The following CLYBL variants were observed in gnomAD, a reference collection of about 807,000 sequenced individuals.
The protein encoded by CLYBL is citramalyl-CoA lyase, also known as citramalyl-CoA lyase, mitochondrial.
In CLYBL, 31 loss-of-function variants were observed where a neutral mutation model predicts 38.9. That is an observed-to-expected ratio of 0.80 (90% CI 0.60 to 1.08). The LOEUF (loss-of-function observed/expected upper bound fraction) is 1.08, where lower values mean the gene tolerates loss of function less well. Ranked by LOEUF, CLYBL falls within the 50% of genes least tolerant of loss-of-function variation. CLYBL has a pLI of 0.00. For synonymous variants in CLYBL, 171 were observed against 158.6 expected (o/e 1.08, Z -0.59); for missense variants, 434 against 411.6 (o/e 1.05, Z -0.47).
At chr13:99,852,603 C>A (rs1235171593) in intron 2 of CLYBL, among the ~76,000 whole-genome samples, 1 of 152,118 alleles carries the variant, frequency 6.6e-6, no homozygotes, top group African/African-American at 2.4e-5. Context: ...CAGTCATTAA[C>A]TAGAATAGTT....
At chr13:99,694,475 C>T (rs138021428) in intron 1 of CLYBL, among the ~76,000 whole-genome samples, 1 of 152,308 alleles carries the variant, frequency 6.6e-6, no homozygotes, top group African/African-American at 2.4e-5. Flanking sequence ...GCATGTCATT[C>T]ACCAGCCTGG....
chr13:99,650,428 A>AG (rs1491392598), intron 1 of CLYBL, among the ~76,000 whole-genome samples: 3 of 152,194 alleles, frequency 2.0e-5, no homozygotes, highest in African/African-American at 7.2e-5. Context: ...TCTCAAAAAA[A>AG]GAAGTTTTCA....
intron 2 of CLYBL, among the ~76,000 whole-genome samples, chr13:99,802,518 A>G (rs1247961958): frequency 6.6e-6 from 1 of 151,838 alleles, no homozygotes; most frequent in Non-Finnish European, 1.5e-5. Context: ...GAAAGGGGGG[A>G]GCTATAATGC....
intron 1 of CLYBL, among the ~76,000 whole-genome samples, chr13:99,770,774 T>G (rs1411582290): frequency 1.3e-5 from 2 of 151,912 alleles, no homozygotes; most frequent in Non-Finnish European, 2.9e-5. Context: ...CAGGCTGGAG[T>G]GCAGTGGTGC....
At chr13:99,711,403 C>CTT (rs71215540) in intron 1 of CLYBL, among the ~76,000 whole-genome samples, 1,345 of 83,122 alleles carry the variant, frequency 0.016, 34 homozygotes, top group Non-Finnish European at 0.022. Context: ...GGGAGTCCGT[C>CTT]TTTTTTTTTT....
intron 2 of CLYBL, among the ~76,000 whole-genome samples, chr13:99,791,013 A>C (rs183884058): frequency 4.6e-5 from 7 of 152,182 alleles, no homozygotes; most frequent in African/African-American, 1.7e-4. Flanking sequence ...GTAGAGATCT[A>C]TTTGGAGTCT....
intron 1 of CLYBL, among the ~76,000 whole-genome samples, chr13:99,722,567 G>GAATGAATGAGTGAATT (rs1265054492): frequency 1.3e-5 from 2 of 152,134 alleles, no homozygotes; most frequent in Non-Finnish European, 2.9e-5. Context: ...GATGCTGGAT[G>GAATGAATGAGTGAATT]AATGAATGAG....
At chr13:99,648,719 A>G (rs1335330427) in intron 1 of CLYBL, among the ~76,000 whole-genome samples, 1 of 152,154 alleles carries the variant, frequency 6.6e-6, no homozygotes, top group Non-Finnish European at 1.5e-5. Flanking sequence ...AATTAATTCA[A>G]TAAGAAAATG....
chr13:99,737,458 A>G (rs1453569683), intron 1 of CLYBL, among the ~76,000 whole-genome samples: 1 of 152,218 alleles, frequency 6.6e-6, no homozygotes, highest in African/African-American at 2.4e-5. Context: ...AGGTTAAGTA[A>G]CATGCTTAGG....
intron 2 of CLYBL, among the ~76,000 whole-genome samples, chr13:99,798,604 A>T (rs1029542989): frequency 1.3e-5 from 2 of 152,228 alleles, no homozygotes; most frequent in African/African-American, 2.4e-5. Flanking sequence ...ACATGTAAAC[A>T]TCCATTAATC....
At chr13:99,702,876 C>G (rs2139463964) in intron 1 of CLYBL, among the ~76,000 whole-genome samples, 1 of 152,322 alleles carries the variant, frequency 6.6e-6, no homozygotes, top group African/African-American at 2.4e-5. Context: ...ACATAAGAAG[C>G]TGACAACATC....
chr13:99,882,964 G>A (rs867641316), intron 7 of CLYBL, among the ~76,000 whole-genome samples: 6 of 151,962 alleles, frequency 3.9e-5, no homozygotes, highest in East Asian at 2.0e-4. Flanking sequence ...GGGCTGGGCC[G>A]GGCCAGGCCA....
chr13:99,674,696 C>T (rs962984928), intron 1 of CLYBL, among the ~76,000 whole-genome samples: 12 of 151,844 alleles, frequency 7.9e-5, no homozygotes, highest in African/African-American at 1.9e-4. Flanking sequence ...TTAAGGGATG[C>T]GTAAGAAGAA....
chr13:99,813,581 C>T (rs182158060), intron 2 of CLYBL, among the ~76,000 whole-genome samples: 1 of 152,302 alleles, frequency 6.6e-6, no homozygotes, highest in Admixed American at 6.5e-5. Flanking sequence ...CACTAACTTA[C>T]TGACTAACCA....
At chr13:99,892,150 C>G (rs988781328) in intron 8 of CLYBL, 2 of 152,176 alleles carry the variant, frequency 1.3e-5, no homozygotes, top group African/African-American at 4.8e-5. Context: ...CCTTTATTTT[C>G]CCGTTTAACT....
chr13:99,855,817 TG>T (rs901421799), intron 2 of CLYBL, among the ~76,000 whole-genome samples: 2 of 151,946 alleles, frequency 1.3e-5, no homozygotes, highest in African/African-American at 4.8e-5. Flanking sequence ...GCTCGCTGGT[TG>T]GGGTAAATTC....
chr13:99,751,553 C>T (rs983306348), intron 1 of CLYBL, among the ~76,000 whole-genome samples: 2 of 152,134 alleles, frequency 1.3e-5, no homozygotes, highest in African/African-American at 2.4e-5. Context: ...GTGAAATAAA[C>T]CAGTCACAAA....
chr13:99,817,512 G>A (rs555501236), intron 2 of CLYBL, among the ~76,000 whole-genome samples: 3 of 151,992 alleles, frequency 2.0e-5, no homozygotes, highest in East Asian at 3.9e-4. Flanking sequence ...AAACTTAGCC[G>A]GGCGTGGTGG....
At chr13:99,804,177 G>C (rs542680322) in intron 2 of CLYBL, among the ~76,000 whole-genome samples, 18 of 152,330 alleles carry the variant, frequency 1.2e-4, no homozygotes, top group Non-Finnish European at 2.4e-4. Flanking sequence ...CAAAGGCAGA[G>C]AGCGAGCACC....
Sources: gnomAD v4.1 joint callset for allele counts (sites outside exome capture counted in the v4.1 genomes callset) on GRCh38, gnomAD v4.1.1 for gene constraint, MANE v1.5 for transcripts, NCBI Gene and HGNC (gene_info 2026-07-23, HGNC 2026-07-21) for gene names.